DLG2: variants seen among roughly 807,000 people sequenced by gnomAD.
DLG2 encodes the protein disks large homolog 2.
Under a neutral mutation model 132.5 loss-of-function variants are expected in DLG2, and 45 were observed. That is an observed-to-expected ratio of 0.34 (90% CI 0.27 to 0.44). DLG2 has a LOEUF of 0.44. Ranked by LOEUF, DLG2 falls within the 20% of genes least tolerant of loss-of-function variation. DLG2 has a pLI of 1.00. For missense variants in DLG2, 1,045 were observed against 1,196.9 expected, an observed-to-expected ratio of 0.87 and a Z score of 1.87; for synonymous variants, 424 against 419.6, an observed-to-expected ratio of 1.01 and a Z score of -0.13.
chr11:85,391,707 T>C (rs933288957), intron 3 of DLG2, among the ~76,000 whole-genome samples: 2 of 152,014 alleles, frequency 1.3e-5, no homozygotes, highest in Non-Finnish European at 2.9e-5. Context: ...TCTTAACAGA[T>C]ACAGAAAAAG....
intron 3 of DLG2, among the ~76,000 whole-genome samples, chr11:85,443,183 A>G (rs1388206071): frequency 6.6e-6 from 1 of 152,242 alleles, no homozygotes; most frequent in Non-Finnish European, 1.5e-5. Flanking sequence ...TTTTTTATCT[A>G]CTACAGCACG....
At chr11:84,946,217 G>C (rs1048800094) in intron 6 of DLG2, among the ~76,000 whole-genome samples, 3 of 152,144 alleles carry the variant, frequency 2.0e-5, no homozygotes, top group African/African-American at 7.2e-5. Flanking sequence ...CTGTGGCCAA[G>C]CTGGTACCCA....
chr11:85,439,306 G>T (rs1158777391), intron 3 of DLG2, among the ~76,000 whole-genome samples: 2 of 152,004 alleles, frequency 1.3e-5, no homozygotes, highest in Admixed American at 6.6e-5. Context: ...ATGTTAACCA[G>T]GTGAACTTAG....
intron 18 of DLG2, among the ~76,000 whole-genome samples, chr11:83,740,729 G>A (rs2092438498): frequency 6.6e-6 from 1 of 152,164 alleles, no homozygotes; most frequent in Non-Finnish European, 1.5e-5. Flanking sequence ...AGCAATGAGT[G>A]AAAAAGTTAC....
chr11:85,273,185 C>T (rs2077655851), intron 4 of DLG2, among the ~76,000 whole-genome samples: 2 of 152,130 alleles, frequency 1.3e-5, no homozygotes, highest in African/African-American at 2.4e-5. Context: ...ACTCAGGACA[C>T]AGGCATGAGC....
At chr11:84,369,554 T>C (rs971261603) in intron 7 of DLG2, among the ~76,000 whole-genome samples, 4 of 152,058 alleles carry the variant, frequency 2.6e-5, no homozygotes, top group Non-Finnish European at 2.9e-5. Context: ...CGGGCAGACA[T>C]ACACACAAGG....
chr11:84,194,019 T>TTTC (rs2096465007), intron 8 of DLG2, among the ~76,000 whole-genome samples: 1 of 152,200 alleles, frequency 6.6e-6, no homozygotes, highest in East Asian at 1.9e-4. Flanking sequence ...GACTCAAAGA[T>TTTC]GGAAGAACCA....
intron 16 of DLG2, among the ~76,000 whole-genome samples, chr11:83,865,656 G>T (rs921677616): frequency 6.6e-6 from 1 of 151,958 alleles, no homozygotes; most frequent in South Asian, 2.1e-4. Flanking sequence ...CATAATTCTG[G>T]CACACAGGTA....
At chr11:85,405,384 T>C (rs1473401114) in intron 3 of DLG2, among the ~76,000 whole-genome samples, 1 of 151,986 alleles carries the variant, frequency 6.6e-6, no homozygotes, top group Non-Finnish European at 1.5e-5. Context: ...ATTTGTTTAA[T>C]AACAATTTCA....
chr11:84,829,015 G>A (rs746557993), intron 6 of DLG2, among the ~76,000 whole-genome samples: 4 of 151,572 alleles, frequency 2.6e-5, no homozygotes, highest in Non-Finnish European at 4.4e-5. Flanking sequence ...AACAGAACCC[G>A]CCTCAGGCTC....
chr11:83,897,126 C>T (rs2071969580), intron 15 of DLG2, among the ~76,000 whole-genome samples: 1 of 152,150 alleles, frequency 6.6e-6, no homozygotes, highest in Non-Finnish European at 1.5e-5. Context: ...ACGCTTTCCT[C>T]TCCAGCTTTG....
intron 6 of DLG2, among the ~76,000 whole-genome samples, chr11:84,735,621 TTC>T (rs2063731217): frequency 6.6e-6 from 1 of 152,170 alleles, no homozygotes; most frequent in Admixed American, 6.5e-5. Flanking sequence ...AAGGATTTTT[TTC>T]GTCTCTAACT....
Position 83,472,762 on chromosome 11 carries a change from A to C in DLG2, c.2309T>G (p.Leu770Arg). The C allele has an allele frequency of 6.2e-7, 1 of 1,612,032 alleles. No homozygotes were observed. Among genetic ancestry groups the C allele is most frequent in the Non-Finnish European group, 8.5e-7 (1 of 1,178,810 alleles). ...TGTAACAGGCTCATAGGAAAGAATG[A>C]GGTCTTCTTGTCCTCCTGAGAAGAG... ...TSDPERGQED[L>R]ILSYEPVTRQ... Residue 770 changes from leucine (L) to arginine (R), a missense_variant, in exon 23 of 28, where the codon CTC (leucine) becomes CGC (arginine). Transcript: ENST00000376104.
chr11:83,863,478 C>CAATG lies in DLG2; in HGVS notation c.1565+10938_1565+10941dup, dbSNP rs2061777537. Among the ~76,000 whole-genome samples the CAATG allele has an allele frequency of 2.0e-5, 3 of 152,012 alleles. No individual in the cohort carries two copies. The South Asian group carries it at 6.2e-4, about 32-fold the overall frequency. ...CACAGGAAATGTTTTGTTAAATGGA[C>CAATG]AATGAATGGAGACTTTGTCAATTGA... On this transcript the variant is annotated intron_variant, in intron 16 of 27. Transcript: ENST00000376104.
chr11:85,010,374 TACC>T (rs986040891), intron 6 of DLG2, among the ~76,000 whole-genome samples: 30 of 152,046 alleles, frequency 2.0e-4, no homozygotes, highest in African/African-American at 7.2e-4. Context: ...TCAGCATCCT[TACC>T]ACCTAAAGAC....
At chr11:85,220,495 G>A (rs938300705) in intron 4 of DLG2, among the ~76,000 whole-genome samples, 2 of 151,984 alleles carry the variant, frequency 1.3e-5, no homozygotes, top group African/African-American at 4.8e-5. Flanking sequence ...GGGGGTAATG[G>A]AGGATAGTAC....
At chr11:85,347,000 G>A (rs553630220) in intron 3 of DLG2, among the ~76,000 whole-genome samples, 4 of 152,112 alleles carry the variant, frequency 2.6e-5, no homozygotes, top group African/African-American at 9.6e-5. Context: ...TCATAGGTGG[G>A]ACATAAAAGG....
intron 6 of DLG2, among the ~76,000 whole-genome samples, chr11:84,865,710 C>T (rs1322753184): frequency 2.0e-5 from 3 of 152,144 alleles, no homozygotes; most frequent in African/African-American, 7.2e-5. Context: ...TAGAACAAAG[C>T]CCCGAAAACA....
chr11:85,449,056 C>G (rs2092129276), intron 3 of DLG2, among the ~76,000 whole-genome samples: 1 of 152,110 alleles, frequency 6.6e-6, no homozygotes, highest in African/African-American at 2.4e-5. Context: ...AGTATCTTCT[C>G]TATTATTTCC....
Sources: allele counts gnomAD v4.1 joint callset (sites outside exome capture counted in the v4.1 genomes callset), GRCh38; gene constraint gnomAD v4.1.1; transcripts MANE v1.5; gene names NCBI Gene and HGNC (gene_info 2026-07-23, HGNC 2026-07-21).